RBFOX1: variants seen among roughly 807,000 people sequenced by gnomAD.
The protein encoded by RBFOX1 is RNA binding protein fox-1 homolog 1.
A neutral mutation model predicts 57.7 loss-of-function variants in RBFOX1; 8 were observed. That is an observed-to-expected ratio of 0.14 (90% CI 0.08 to 0.25). The LOEUF (loss-of-function observed/expected upper bound fraction) is 0.25, where lower values mean the gene tolerates loss of function less well. Among genes scored for constraint, RBFOX1 ranks in the 10% least tolerant of loss-of-function variants. The pLI is 1.00. For synonymous variants in RBFOX1, 326 were observed against 222.4 expected (o/e 1.47, Z -4.15); for missense variants, 611 against 548.5 (o/e 1.11, Z -1.14).
intron 3 of RBFOX1, among the ~76,000 whole-genome samples, chr16:7,033,356 C>A (rs900502388): frequency 4.6e-5 from 7 of 152,136 alleles, no homozygotes; most frequent in Non-Finnish European, 1.0e-4. Context: ...CCCGTCTCTA[C>A]TAAAAATACA....
chr16:7,309,476 G>C (rs571156289), intron 4 of RBFOX1, among the ~76,000 whole-genome samples: 2 of 152,348 alleles, frequency 1.3e-5, no homozygotes, highest in Non-Finnish European at 2.9e-5. Context: ...TTTTGAGGCA[G>C]TTTCTGTGTT....
chr16:6,090,084 C>T (rs538667564), intron 1 of RBFOX1: 1 of 152,252 alleles, frequency 6.6e-6, no homozygotes, highest in African/African-American at 2.4e-5. Context: ...CCACTAGAGG[C>T]CTCCTGCATG....
intron 4 of RBFOX1, among the ~76,000 whole-genome samples, chr16:7,355,796 T>A (rs571543209): frequency 6.6e-5 from 10 of 152,266 alleles, no homozygotes; most frequent in Non-Finnish European, 1.3e-4. Flanking sequence ...ATCAATCTTT[T>A]AAGTTTTTGC....
chr16:7,172,403 C>T (rs1478728), intron 4 of RBFOX1, among the ~76,000 whole-genome samples: 105,941 of 151,950 alleles, frequency 0.7, 38,011 homozygotes, highest in Non-Finnish European at 0.79. Flanking sequence ...TAGTGTGAAA[C>T]ACATTGTTAT....
At chr16:5,769,257 T>G (rs4258616) in intron 3 of RBFOX1, among the ~76,000 whole-genome samples, 2 of 151,916 alleles carry the variant, frequency 1.3e-5, no homozygotes, top group South Asian at 2.1e-4. Context: ...CGTGACCTTA[T>G]TTGGAGACAG....
intron 4 of RBFOX1, among the ~76,000 whole-genome samples, chr16:5,969,092 A>G (rs17138994): frequency 0.031 from 4,643 of 151,750 alleles, 229 homozygotes; most frequent in African/African-American, 0.1. Flanking sequence ...ATGCCTTTCT[A>G]ATTCTGATTT....
chr16:6,663,341 A>G (rs185068103), intron 3 of RBFOX1, among the ~76,000 whole-genome samples: 17 of 152,268 alleles, frequency 1.1e-4, no homozygotes, highest in East Asian at 3.9e-4. Context: ...AACACTGACA[A>G]TGGATTGATC....
At chr16:6,359,567 C>G (rs189311992) in intron 2 of RBFOX1, among the ~76,000 whole-genome samples, 4 of 152,284 alleles carry the variant, frequency 2.6e-5, no homozygotes, top group Admixed American at 2.0e-4. Context: ...CTTGTGTTAA[C>G]TATTGCTTTG....
intron 3 of RBFOX1, among the ~76,000 whole-genome samples, chr16:5,674,114 G>C (rs1037907171): frequency 6.6e-6 from 1 of 152,204 alleles, no homozygotes; most frequent in Non-Finnish European, 1.5e-5. Flanking sequence ...TACAGCAAAA[G>C]ACACAGCAGA....
chr16:7,486,036 A>G (rs1447018355), intron 4 of RBFOX1, among the ~76,000 whole-genome samples: 1 of 150,958 alleles, frequency 6.6e-6, no homozygotes, highest in Non-Finnish European at 1.5e-5. Context: ...GGAAAACACA[A>G]TTTCTGATCC....
At chr16:5,578,289 C>G (rs1197722019) in intron 2 of RBFOX1, among the ~76,000 whole-genome samples, 1 of 152,124 alleles carries the variant, frequency 6.6e-6, no homozygotes, top group Non-Finnish European at 1.5e-5. Context: ...CTCACCTAGC[C>G]TCATTCATCA....
At chr16:5,335,841 A>G (rs1253110741) in intron 1 of RBFOX1, among the ~76,000 whole-genome samples, 1 of 152,106 alleles carries the variant, frequency 6.6e-6, no homozygotes, top group African/African-American at 2.4e-5. Flanking sequence ...CTATCAAAAG[A>G]TGTTCTCAGA....
Position 5,781,945 on chromosome 16 carries a change from C to G in RBFOX1, c.319-85358C>G, listed in dbSNP as rs575204769. Among the ~76,000 whole-genome samples, 5 of 152,346 alleles carry G rather than the reference C, an allele frequency of 3.3e-5. No homozygotes were observed. The South Asian group carries it at 1.0e-3, about 32-fold the overall frequency. ...AACAGGCCAGGCGTGGTGGTTCATG[C>G]CTGTAATCCCAGCACTTAGGGAGGC... On this transcript the variant is annotated intron_variant, in intron 3 of 19. Coordinates refer to the RBFOX1 transcript ENST00000641259.
At chr16:7,643,409 A>G (rs187470501) in intron 11 of RBFOX1, among the ~76,000 whole-genome samples, 12 of 152,376 alleles carry the variant, frequency 7.9e-5, no homozygotes, top group African/African-American at 2.9e-4. Flanking sequence ...ATATTAAAAA[A>G]GCAATTATAT....
chr16:6,712,889 T>G (rs889250355), intron 3 of RBFOX1, among the ~76,000 whole-genome samples: 3 of 101,550 alleles, frequency 3.0e-5, no homozygotes, highest in South Asian at 3.8e-4. Context: ...GGGTGTTTTT[T>G]TTTTTTTTTT....
chr16:6,071,545 A>T (rs1185200667), intron 1 of RBFOX1, among the ~76,000 whole-genome samples: 1 of 152,216 alleles, frequency 6.6e-6, no homozygotes, highest in African/African-American at 2.4e-5. Flanking sequence ...TTAAAAATTA[A>T]TGCTTCATTT....
chr16:5,352,450 A>C, intron 1 of RBFOX1, among the ~76,000 whole-genome samples: 1 of 152,214 alleles, frequency 6.6e-6, no homozygotes. Context: ...ACCGGTTGTC[A>C]AACATTTTCT....
chr16:6,562,358 G>C (rs775015875), intron 2 of RBFOX1, among the ~76,000 whole-genome samples: 18 of 152,212 alleles, frequency 1.2e-4, no homozygotes, highest in Non-Finnish European at 2.1e-4. Context: ...ACATTCTTGT[G>C]AGTGAAATAG....
intron 2 of RBFOX1, among the ~76,000 whole-genome samples, chr16:6,400,294 A>T (rs1361515238): frequency 6.6e-6 from 1 of 152,226 alleles, no homozygotes; most frequent in Non-Finnish European, 1.5e-5. Context: ...CAGTAATTAT[A>T]ACGTACCTAT....
Sources: gnomAD v4.1 joint callset for allele counts (sites outside exome capture counted in the v4.1 genomes callset) on GRCh38, gnomAD v4.1.1 for gene constraint, MANE v1.5 for transcripts, NCBI Gene and HGNC (gene_info 2026-07-23, HGNC 2026-07-21) for gene names.